Variants in IMMP2L observed in about 807,000 individuals in gnomAD.
The protein encoded by IMMP2L is mitochondrial inner membrane protease subunit 2.
A neutral mutation model predicts 19.3 loss-of-function variants in IMMP2L; 18 were observed. The ratio of observed to expected loss-of-function variants is 0.93; its 90% CI spans 0.64 to 1.38. The LOEUF is 1.38. IMMP2L is among the 40% of genes most tolerant of loss of function. IMMP2L has a pLI of 0.00. For synonymous variants in IMMP2L, 76 were observed against 73.0 expected (o/e 1.04, Z -0.21); for missense variants, 233 against 218.2 (o/e 1.07, Z -0.43).
chr7:111,347,302 C>T (rs1387036057), intron 3 of IMMP2L, among the ~76,000 whole-genome samples: 1 of 151,918 alleles, frequency 6.6e-6, no homozygotes, highest in African/African-American at 2.4e-5. Flanking sequence ...ATGTAAGGGC[C>T]AGAGGAGGGA....
chr7:111,263,598 A>C (rs1817543397), intron 3 of IMMP2L, among the ~76,000 whole-genome samples: 1 of 152,170 alleles, frequency 6.6e-6, no homozygotes, highest in African/African-American at 2.4e-5. Flanking sequence ...TCTGGGATAG[A>C]CAGATAAATT....
intron 3 of IMMP2L, among the ~76,000 whole-genome samples, chr7:111,104,517 A>T (rs988538602): frequency 2.0e-5 from 3 of 151,826 alleles, no homozygotes; most frequent in African/African-American, 7.2e-5. Flanking sequence ...ATTTTTTAAA[A>T]GGCTGAGGGG....
intron 3 of IMMP2L, among the ~76,000 whole-genome samples, chr7:111,289,480 A>G (rs1172604787): frequency 6.6e-6 from 1 of 151,914 alleles, no homozygotes; most frequent in African/African-American, 2.4e-5. Flanking sequence ...CTTGAATGCT[A>G]TGGTAAGATT....
chr7:110,988,873 A>G (rs183859731), intron 3 of IMMP2L, among the ~76,000 whole-genome samples: 17 of 152,190 alleles, frequency 1.1e-4, no homozygotes, highest in Non-Finnish European at 2.1e-4. Flanking sequence ...AGTATGTTCA[A>G]TATAATCTCA....
intron 3 of IMMP2L, among the ~76,000 whole-genome samples, chr7:111,452,030 T>G (rs1839250344): frequency 6.6e-6 from 1 of 152,124 alleles, no homozygotes; most frequent in Admixed American, 6.6e-5. Flanking sequence ...CTTCCTACTG[T>G]CCTTCAGTGT....
intron 4 of IMMP2L, among the ~76,000 whole-genome samples, chr7:110,896,064 C>T (rs139847262): frequency 2.6e-4 from 39 of 152,252 alleles, no homozygotes; most frequent in Non-Finnish European, 4.7e-4. Context: ...TCTAATCATC[C>T]TCCCACCTCA....
Position 111,123,263 on chromosome 7 carries a change from A to G in IMMP2L, c.240-159698T>C, listed in dbSNP as rs1231574745. 9 of 1,613,804 alleles carry G rather than the reference A, an allele frequency of 5.6e-6. No individual in the cohort carries two copies. Among genetic ancestry groups the G allele is most frequent in the African/African-American group, 1.3e-5 (1 of 74,914 alleles). On this transcript the variant is annotated intron_variant, in intron 3 of 5. Coordinates refer to ENST00000405709, the MANE Select transcript of IMMP2L (RefSeq NM_032549.4). The surrounding 1 kb of genome is among the most constrained non-coding windows in gnomAD (Gnocchi z 6.4). ...TCACCTGGAGCCTTTATTGGCCTAC[A>G]TAATCTTCTTCGACTTCATCTCAAT... is the stretch of plus-strand genomic sequence containing the variant.
chr7:111,201,399 C>G (rs141985383), intron 3 of IMMP2L, among the ~76,000 whole-genome samples: 133 of 152,056 alleles, frequency 8.7e-4, no homozygotes, highest in African/African-American at 3.0e-3. Context: ...ATGTTGAAAC[C>G]TAATCCCCAC....
At chr7:110,749,169 A>G (rs568055907) in intron 5 of IMMP2L, among the ~76,000 whole-genome samples, 1 of 152,264 alleles carries the variant, frequency 6.6e-6, no homozygotes, top group Admixed American at 6.5e-5. Flanking sequence ...TGGTCATTAG[A>G]GAAATGCAAA....
chr7:111,234,639 C>T (rs1384096536), intron 3 of IMMP2L, among the ~76,000 whole-genome samples: 3 of 152,042 alleles, frequency 2.0e-5, no homozygotes, highest in Non-Finnish European at 2.9e-5. Context: ...AGCCTCTTTT[C>T]TCTCTTTTTC....
chr7:110,808,304 T>C (rs549932070), intron 5 of IMMP2L, among the ~76,000 whole-genome samples: 1 of 152,062 alleles, frequency 6.6e-6, no homozygotes, highest in Non-Finnish European at 1.5e-5. Flanking sequence ...GTAGGCAGTA[T>C]AAAGCAGAGC....
chr7:111,263,592 G>C (rs903698576), intron 3 of IMMP2L, among the ~76,000 whole-genome samples: 1 of 152,084 alleles, frequency 6.6e-6, no homozygotes, highest in Non-Finnish European at 1.5e-5. Flanking sequence ...AAGAAGTCTG[G>C]GATAGACAGA....
intron 5 of IMMP2L, among the ~76,000 whole-genome samples, chr7:110,881,615 A>G (rs1008284850): frequency 6.6e-6 from 1 of 152,228 alleles, no homozygotes; most frequent in Admixed American, 6.5e-5. Context: ...ACACTGTCTA[A>G]TGACCTTTTT....
chr7:111,109,317 C>T (rs1299162131), intron 3 of IMMP2L, among the ~76,000 whole-genome samples: 1 of 151,560 alleles, frequency 6.6e-6, no homozygotes, highest in Admixed American at 6.6e-5. Context: ...CATACAAGAG[C>T]AAGAAAACCC....
At chr7:110,716,679 G>C (rs538911405) in intron 5 of IMMP2L, among the ~76,000 whole-genome samples, 90 of 152,284 alleles carry the variant, frequency 5.9e-4, no homozygotes, top group Non-Finnish European at 9.8e-4. Flanking sequence ...CTGTTAGCCT[G>C]ATGAGGTTCT....
At chr7:111,295,986 A>T (rs1584496244) in intron 3 of IMMP2L, among the ~76,000 whole-genome samples, 1 of 20,550 alleles carries the variant, frequency 4.9e-5, no homozygotes, top group Non-Finnish European at 7.2e-5. Context: ...AAAGAATGTT[A>T]AAAAAAAAAA....
chr7:111,469,105 C>T (rs896553669), intron 3 of IMMP2L, among the ~76,000 whole-genome samples: 4 of 152,002 alleles, frequency 2.6e-5, no homozygotes, highest in African/African-American at 7.2e-5. Context: ...TTCTGTTCCA[C>T]TGATCTATAT....
intron 1 of IMMP2L, among the ~76,000 whole-genome samples, chr7:111,545,656 C>G (rs1182733511): frequency 6.6e-6 from 1 of 152,122 alleles, no homozygotes; most frequent in African/African-American, 2.4e-5. Context: ...AAATTATATA[C>G]TGTGGATAGT....
intron 5 of IMMP2L, among the ~76,000 whole-genome samples, chr7:110,750,121 A>G (rs1209039158): frequency 5.9e-5 from 9 of 152,074 alleles, no homozygotes; most frequent in Non-Finnish European, 1.0e-4. Flanking sequence ...GAAATGATAT[A>G]GTTAAAAATC....
Sources: gnomAD v4.1 joint callset for allele counts (sites outside exome capture counted in the v4.1 genomes callset) on GRCh38, gnomAD v4.1.1 for gene constraint, Gnocchi (gnomAD v3.1) non-coding constraint, MANE v1.5 for transcripts, NCBI Gene and HGNC (gene_info 2026-07-23, HGNC 2026-07-21) for gene names.